KIF6: variants seen among roughly 807,000 people sequenced by gnomAD.
KIF6 encodes the protein kinesin family member 6.
KIF6 carries 106 observed loss-of-function variants against 112.7 expected under a neutral mutation model. The ratio of observed to expected loss-of-function variants is 0.94; its 90% confidence interval spans 0.80 to 1.11. KIF6 has a LOEUF of 1.11. KIF6 is among the 50% of genes least tolerant of loss of function. KIF6 has a pLI of 0.00. For synonymous variants in KIF6, 339 were observed against 339.9 expected, an observed-to-expected ratio of 1.00 and a Z score of 0.03; for missense variants, 929 against 964.0, an observed-to-expected ratio of 0.96 and a Z score of 0.48.
At position 39,719,363 on chromosome 6, in the gene KIF6, G is replaced by GA. The variant is rs1790071769; in HGVS notation, c.176+1338_176+1339insT. ...AAAAAGAAAAAGAGAGAGAGAGAGA[G>GA]GAATAAAAAAAAATCTGGGATAGTT... On this transcript the variant is annotated intron_variant, in intron 2 of 22. Coordinates refer to ENST00000287152, the MANE Select transcript of KIF6 (RefSeq NM_145027.6). 3.3e-5 allele frequency among the ~76,000 whole-genome samples: 5 copies of GA among 150,472 alleles called. No homozygotes were observed. The East Asian group carries it at 9.8e-4, about 29-fold the overall frequency.
At chr6:39,433,643 T>C (rs2150385165) in intron 13 of KIF6, among the ~76,000 whole-genome samples, 1 of 152,324 alleles carries the variant, frequency 6.6e-6, no homozygotes, top group Middle Eastern at 3.4e-3. Flanking sequence ...ATGATGGCTA[T>C]TATCTTGTCA....
At chr6:39,472,028 C>A (rs1311790658) in intron 13 of KIF6, among the ~76,000 whole-genome samples, 2 of 152,174 alleles carry the variant, frequency 1.3e-5, no homozygotes, top group Non-Finnish European at 2.9e-5. Context: ...CTAAATCCTT[C>A]CCAGGAGCCA....
At chr6:39,407,438 TG>T (rs948688217) in intron 15 of KIF6, among the ~76,000 whole-genome samples, 5 of 152,298 alleles carry the variant, frequency 3.3e-5, no homozygotes, top group Non-Finnish European at 7.4e-5. Flanking sequence ...TATTTGCTTT[TG>T]TCTTCCAACA....
intron 13 of KIF6, among the ~76,000 whole-genome samples, chr6:39,454,191 C>T (rs116387957): frequency 4.0e-4 from 61 of 152,088 alleles, no homozygotes; most frequent in African/African-American, 1.4e-3. Flanking sequence ...AAGCTTCAGA[C>T]ACTTTTTGAT....
At chr6:39,686,585 T>C (rs988127388) in intron 3 of KIF6, among the ~76,000 whole-genome samples, 1 of 152,188 alleles carries the variant, frequency 6.6e-6, no homozygotes, top group African/African-American at 2.4e-5. Flanking sequence ...TTTTAGCCCA[T>C]GGTAATATCA....
At chr6:39,570,057 T>C (rs1780559284) in intron 10 of KIF6, among the ~76,000 whole-genome samples, 1 of 152,240 alleles carries the variant, frequency 6.6e-6, no homozygotes, top group African/African-American at 2.4e-5. Flanking sequence ...AAGCTTTTAT[T>C]AGTACAAATA....
chr6:39,719,047 G>A lies in KIF6; in HGVS notation c.176+1655C>T, dbSNP rs554526820. The stretch of plus-strand genomic sequence containing the variant: ...ATTTAAAAAGAAAAAGGCCAGATAC[G>A]GTGGCTCATGCCTGTAATCCCAGCA... On this transcript the variant is annotated intron_variant, in intron 2 of 22. Coordinates refer to ENST00000287152, the MANE Select transcript of KIF6 (RefSeq NM_145027.6). Among the ~76,000 whole-genome samples the A allele has an allele frequency of 1.8e-3, 267 of 152,256 alleles. 1 individual carries two copies. The highest frequency in any genetic ancestry group is 8.4e-4 in the Non-Finnish European group (57 of 68,022).
At chr6:39,707,794 C>A (rs1483076234) in intron 3 of KIF6, among the ~76,000 whole-genome samples, 1 of 152,166 alleles carries the variant, frequency 6.6e-6, no homozygotes, top group Non-Finnish European at 1.5e-5. Context: ...TGTTTCTTTT[C>A]ATCTTTAAAA....
chr6:39,427,572 G>C (rs1770862696), intron 14 of KIF6, among the ~76,000 whole-genome samples: 1 of 152,136 alleles, frequency 6.6e-6, no homozygotes, highest in Admixed American at 6.5e-5. Flanking sequence ...ACATTAGTCA[G>C]ATATAGAAAT....
intron 22 of KIF6, among the ~76,000 whole-genome samples, chr6:39,337,172 CTTCT>C (rs71543959): frequency 0.014 from 838 of 59,486 alleles, 10 homozygotes; most frequent in South Asian, 0.021. Flanking sequence ...TCTTTCCTTC[CTTCT>C]TTCTTTCTTT....
intron 3 of KIF6, among the ~76,000 whole-genome samples, chr6:39,680,653 C>T (rs757010964): frequency 6.6e-6 from 1 of 152,112 alleles, no homozygotes; most frequent in African/African-American, 2.4e-5. Context: ...GAAACAAATA[C>T]CCCATGCTAC....
Position 39,582,724 on chromosome 6 carries a change from A to G in KIF6, c.1077+2174T>C, listed in dbSNP as rs138969275. ...GCCACCGTGCCTGGCCTGAGGTACCAATACTTTTAAAGAAAGCAGGGCAAA... is the reference window on the plus strand; with the variant it reads ...GCCACCGTGCCTGGCCTGAGGTACCGATACTTTTAAAGAAAGCAGGGCAAA... On this transcript the variant is annotated intron_variant, in intron 9 of 22. Transcript: ENST00000287152. Among the ~76,000 whole-genome samples, 94 of 152,228 alleles carry G rather than the reference A, an allele frequency of 6.2e-4. No homozygotes were observed. In the Middle Eastern group the frequency reaches 0.01, roughly 17 times the overall value.
At chr6:39,494,773 T>C (rs991576689) in intron 13 of KIF6, among the ~76,000 whole-genome samples, 5 of 151,786 alleles carry the variant, frequency 3.3e-5, no homozygotes, top group African/African-American at 4.8e-5. Context: ...GTAAAATCCA[T>C]AAGAAATGTC....
At chr6:39,376,605 G>A (rs750854240) in intron 16 of KIF6, among the ~76,000 whole-genome samples, 6 of 152,192 alleles carry the variant, frequency 3.9e-5, no homozygotes, top group Admixed American at 2.0e-4. Context: ...GACCTACTGC[G>A]TGACAGTCAC....
chr6:39,714,799 C>T, intron 2 of KIF6, 33 bp from the exon 3 acceptor site: 1 of 1,350,512 alleles, frequency 7.4e-7, no homozygotes, highest in Non-Finnish European at 1.1e-6. Context: ...TATTTAAAAG[C>T]TGCACCTCCA....
chr6:39,513,499 G>A (rs1343506521), intron 13 of KIF6, among the ~76,000 whole-genome samples: 1 of 152,108 alleles, frequency 6.6e-6, no homozygotes, highest in Non-Finnish European at 1.5e-5. Flanking sequence ...TGGTAAATTA[G>A]GTATAATCAC....
At chr6:39,451,547 C>G (rs1772701867) in intron 13 of KIF6, among the ~76,000 whole-genome samples, 1 of 152,196 alleles carries the variant, frequency 6.6e-6, no homozygotes, top group Non-Finnish European at 1.5e-5. Context: ...GAGAAAATTA[C>G]TTAATTCCTC....
intron 13 of KIF6, among the ~76,000 whole-genome samples, chr6:39,488,415 C>G (rs937382042): frequency 2.0e-5 from 3 of 152,234 alleles, no homozygotes; most frequent in Non-Finnish European, 4.4e-5. Flanking sequence ...CTTGCTGTTT[C>G]TGCTTTGCCC....
Position 39,675,182 on chromosome 6 carries a change from T to C in KIF6, c.252-35425A>G, listed in dbSNP as rs528958745. Among the ~76,000 whole-genome samples the C allele has an allele frequency of 7.2e-5, 11 of 152,118 alleles. No homozygotes were observed. In the East Asian group the frequency reaches 1.7e-3, roughly 24 times the overall value. On this transcript the variant is annotated intron_variant, in intron 3 of 22. Transcript: ENST00000287152. ...TTATGAGCTAATCCTGGGGCACACA[T>C]AGGAGTGTGGGATGGAGAAAGAAGG... is the stretch of plus-strand genomic sequence containing the variant.
Sources: gnomAD v4.1 joint callset for allele counts (sites outside exome capture counted in the v4.1 genomes callset) on GRCh38, gnomAD v4.1.1 for gene constraint, MANE v1.5 for transcripts, NCBI Gene and HGNC (gene_info 2026-07-23, HGNC 2026-07-21) for gene names.